The following TMPRSS5 variants were observed in gnomAD, a reference collection of about 807,000 sequenced individuals.
The protein encoded by TMPRSS5 is transmembrane protease serine 5.
In TMPRSS5, 45 loss-of-function variants were observed where a neutral mutation model predicts 59.7. That is an observed-to-expected ratio of 0.75 (90% confidence interval 0.59 to 0.97). The LOEUF (loss-of-function observed/expected upper bound fraction) is 0.97. Among genes scored for constraint, TMPRSS5 ranks in the 50% least tolerant of loss-of-function variants. TMPRSS5 has a pLI of 0.00. For synonymous variants in TMPRSS5, 225 were observed against 232.0 expected (o/e 0.97, Z 0.27); for missense variants, 585 against 596.7 (o/e 0.98, Z 0.20).
At chr11:113,695,594 C>T (rs1362567286) in intron 6 of TMPRSS5, among the ~76,000 whole-genome samples, 151 bp from the exon 7 acceptor site, 2 of 152,138 alleles carry the variant, frequency 1.3e-5, no homozygotes, top group East Asian at 3.9e-4. Flanking sequence ...ACCACCATTT[C>T]CTTCCTGCCC....
intron 8 of TMPRSS5, among the ~76,000 whole-genome samples, 171 bp from the exon 9 acceptor site, chr11:113,693,420 G>A (rs923324315): frequency 6.6e-6 from 1 of 152,132 alleles, no homozygotes; most frequent in Admixed American, 6.5e-5. Flanking sequence ...CCCAGCAGCC[G>A]GCAAGACACT....
intron 1 of TMPRSS5, 126 bp from the exon 2 acceptor site, chr11:113,700,294 C>T (rs923083109): frequency 7.9e-5 from 72 of 915,924 alleles, no homozygotes; most frequent in Non-Finnish European, 1.1e-4. Context: ...TAAACCTCTA[C>T]TCATCTTGGA....
At chr11:113,690,182 C>A in intron 11 of TMPRSS5, 49 bp downstream of exon 11, 1 of 921,232 alleles carries the variant, frequency 1.1e-6, no homozygotes, top group Non-Finnish European at 1.6e-6. Flanking sequence ...CCCTGCCCTC[C>A]CACCCCCACC....
intron 8 of TMPRSS5, 105 bp from the exon 9 acceptor site, chr11:113,693,354 G>GA: frequency 1.5e-6 from 2 of 1,307,312 alleles, no homozygotes; most frequent in Non-Finnish European, 2.0e-6. Context: ...TTGGTGGGGG[G>GA]GCCGTCAGCA....
At chr11:113,694,398 A>G in intron 8 of TMPRSS5, 80 bp downstream of exon 8, 1 of 1,465,494 alleles carries the variant, frequency 6.8e-7, no homozygotes, top group Non-Finnish European at 9.2e-7. Flanking sequence ...TTGGACACGA[A>G]CATTTGATAC....
At position 113,689,797 on chromosome 11, in the gene TMPRSS5, C is replaced by T. The variant is rs1952708652; in HGVS notation, c.1327G>A (p.Glu443Lys). 1.9e-6 allele frequency: 3 copies of T among 1,609,868 alleles called. No homozygotes were observed. Among genetic ancestry groups the T allele is most frequent in the Middle Eastern group, 1.7e-4 (1 of 6,058 alleles). ...NHPGVYAKVAEFLDWIHDTAQ... is the reference protein window; with the variant it reads ...NHPGVYAKVAKFLDWIHDTAQ... The stretch of plus-strand genomic sequence containing the variant: ...GTGTCATGGATCCAGTCCAGAAACT[C>T]AGCTACCTTGGCGTAGACACCTGGG... Residue 443 changes from glutamate to lysine, a missense_variant, in exon 12 of 13, where the codon GAG becomes AAG. By Grantham distance (56) the Glu-to-Lys change is moderately conservative. Coordinates refer to ENST00000299882, the MANE Select transcript of TMPRSS5 (RefSeq NM_030770.4).
intron 1 of TMPRSS5, among the ~76,000 whole-genome samples, chr11:113,704,347 C>T (rs1953227315): frequency 6.6e-6 from 1 of 152,200 alleles, no homozygotes; most frequent in African/African-American, 2.4e-5. Context: ...AATCTCCCTC[C>T]TCGAGTATCT....
At chr11:113,699,434 T>A (rs1341174171) in intron 3 of TMPRSS5, among the ~76,000 whole-genome samples, 161 bp downstream of exon 3, 2 of 152,086 alleles carry the variant, frequency 1.3e-5, no homozygotes, top group South Asian at 4.2e-4. Context: ...TTCTTCTTTA[T>A]GTAGAGCCTA....
chr11:113,689,862 C>G lies in TMPRSS5; in HGVS notation c.1262G>C (p.Gly421Ala). 1 of 1,583,300 alleles carries G rather than the reference C, an allele frequency of 6.3e-7. No individual in the cohort carries two copies. Among genetic ancestry groups the G allele is most frequent in the Non-Finnish European group, 8.6e-7 (1 of 1,164,968 alleles). Residue 421 changes from glycine to alanine, a missense_variant, in exon 12 of 13, where the codon GGG becomes GCG. By Grantham distance (60) the Gly-to-Ala change is moderately conservative. Coordinates refer to ENST00000299882, the MANE Select transcript of TMPRSS5 (RefSeq NM_030770.4). ...GCAGCCACGCCCCCAGCTGACCACC[C>G]CCACTAGGCGCCATGTGTCCCCATC... ...CPDGDTWRLVGVVSWGRGCAE... is the reference protein window; with the variant it reads ...CPDGDTWRLVAVVSWGRGCAE...
At chr11:113,694,739 G>A in intron 7 of TMPRSS5, 99 bp from the exon 8 acceptor site, 2 of 1,225,740 alleles carry the variant, frequency 1.6e-6, no homozygotes, top group Admixed American at 2.9e-5. Context: ...GCCCCAGAGA[G>A]CCAGTGTGGA....
Position 113,696,902 on chromosome 11 carries a change from G to C in TMPRSS5, c.534C>G (p.Leu178=), listed in dbSNP as rs370768043. 1 of 1,577,894 alleles carries C rather than the reference G, an allele frequency of 6.3e-7. No homozygotes were observed. Among genetic ancestry groups the C allele is most frequent in the Non-Finnish European group, 8.6e-7 (1 of 1,160,962 alleles). Residue 178 remains leucine (L), a synonymous_variant, in exon 6 of 13, where the codon CTC becomes CTG. Coordinates refer to ENST00000299882, the MANE Select transcript of TMPRSS5 (RefSeq NM_030770.4). ...KLNSSQEFAQ[L]SPRLGGFLEE... is the part of the protein sequence containing the mutation. ...CCAGGAAGCCTCCCAGTCTAGGAGA[G>C]AGCTGAGCAAACTCCTGGGAACTGT...
intron 1 of TMPRSS5, among the ~76,000 whole-genome samples, chr11:113,701,458 G>A (rs918782000): frequency 6.7e-6 from 1 of 148,804 alleles, no homozygotes; most frequent in African/African-American, 2.5e-5. Context: ...CTGCCCTAGA[G>A]ATCTGTGGAA....
At position 113,694,574 on chromosome 11, in the gene TMPRSS5, G is replaced by A. The variant is rs773489003; in HGVS notation, c.689C>T (p.Pro230Leu). The A allele has an allele frequency of 1.7e-5, 26 of 1,557,172 alleles. No homozygotes were observed. Among genetic ancestry groups the A allele is most frequent in the African/African-American group, 2.7e-5 (2 of 73,206 alleles). The stretch of plus-strand genomic sequence containing the variant: ...GCCCAGGGCCACGCTGGCCTGCCAC[G>A]GCCAGCGCCCAGGAGCCACAGACTG... The part of the protein sequence containing the change: ...GGQSVAPGRW[P>L]WQASVALGFR... Residue 230 changes from proline (P) to leucine (L), a missense_variant, in exon 8 of 13, where the codon CCG (proline) becomes CTG (leucine). By Grantham distance (98) the Pro-to-Leu change is moderately conservative. Coordinates refer to ENST00000299882, the MANE Select transcript of TMPRSS5 (RefSeq NM_030770.4).
rs1263239559 is a variant in TMPRSS5 at position 113,691,881 on chromosome 11, TC to T, written c.965-943del. Among the ~76,000 whole-genome samples, 158 of 86,778 alleles carry T rather than the reference TC, an allele frequency of 1.8e-3. 3 individuals carry two copies. The highest frequency in any genetic ancestry group is 4.6e-3 in the African/African-American group (74 of 15,978). 56.9% of individuals were successfully genotyped at this position (86,778 alleles called of 152,430 possible). A position where few individuals can be genotyped will look rare whatever the true frequency, so the allele number is the denominator to read the frequency against. On this transcript the variant is annotated intron_variant, in intron 9 of 12. Coordinates refer to ENST00000299882, the MANE Select transcript of TMPRSS5 (RefSeq NM_030770.4). The stretch of plus-strand genomic sequence containing the variant: ...TCGGTCAACTAAGAAAGTTTTCTTT[TC>T]CTTTTTTTTCTTTTTTTTTTTTTGA...
chr11:113,699,793 C>CCAA (rs1174113474), intron 2 of TMPRSS5, 100 bp from the exon 3 acceptor site: 5 of 1,411,268 alleles, frequency 3.5e-6, no homozygotes, highest in African/African-American at 1.4e-5. Context: ...CCACAGAGCT[C>CCAA]CAACAGGACA....
chr11:113,697,213 A>C, intron 5 of TMPRSS5, 70 bp downstream of exon 5: 1 of 1,549,116 alleles, frequency 6.5e-7, no homozygotes, highest in Non-Finnish European at 8.7e-7. Context: ...GGGCAGGTAG[A>C]GGTCTCCAAT....
chr11:113,698,784 AGGAG>A, intron 4 of TMPRSS5, 117 bp downstream of exon 4: 1 of 1,171,328 alleles, frequency 8.5e-7, no homozygotes. Flanking sequence ...CTCACACTAG[AGGAG>A]GGAAACACAT....
Position 113,697,323 on chromosome 11 carries a change from C to T in TMPRSS5, c.424G>A (p.Ala142Thr), listed in dbSNP as rs562297984. The change falls in exon 5 of 13, where the codon GCC becomes ACC. Residue 142 changes from alanine (A) to threonine (T), a missense_variant. Physicochemically the swap from Ala to Thr is moderately conservative, Grantham distance 58. Transcript: ENST00000299882. Reference sequence around the variant, plus strand: ...CTCCAGCAGATCTGCAGCCCCAGGGCGGGGCTCCAGCCCTCATGGCAGACC... The same window carrying T: ...CTCCAGCAGATCTGCAGCCCCAGGGTGGGGCTCCAGCCCTCATGGCAGACC... ...LLVCHEGWSP[A>T]LGLQICWSLG... 2.4e-5 allele frequency: 39 copies of T among 1,613,462 alleles called. No individual in the cohort carries two copies. In the South Asian group the frequency reaches 2.9e-4, roughly 12 times the overall value.
In TMPRSS5 at chr11:113,699,713, G is replaced by A; in HGVS notation, c.107-20C>T. 2 of 1,552,834 alleles carry A rather than the reference G, an allele frequency of 1.3e-6. No individual in the cohort carries two copies. Among genetic ancestry groups the A allele is most frequent in the East Asian group, 2.4e-5 (1 of 41,094 alleles). On this transcript the variant is annotated intron_variant, in intron 2 of 12. Coordinates refer to ENST00000299882, the MANE Select transcript of TMPRSS5 (RefSeq NM_030770.4). ...GAGAAACTGTGGGAAAGGGCAGAGG[G>A]GTATCTGGGTCCCCTGCTCCTGCCA... is the stretch of plus-strand genomic sequence containing the variant.
Sources: gnomAD v4.1 joint callset for allele counts (sites outside exome capture counted in the v4.1 genomes callset) on GRCh38, gnomAD v4.1.1 for gene constraint, MANE v1.5 for transcripts, NCBI Gene and HGNC (gene_info 2026-07-23, HGNC 2026-07-21) for gene names.